PDLIM1: variants seen among roughly 807,000 people sequenced by gnomAD.
The protein encoded by PDLIM1 is PDZ and LIM domain protein 1.
PDLIM1 carries 25 observed loss-of-function variants against 35.2 expected under a neutral mutation model. The observed-to-expected ratio is 0.71, with a 90% CI of 0.52 to 0.99. The LOEUF is 0.99. Ranked by LOEUF, PDLIM1 falls within the 50% of genes least tolerant of loss-of-function variation. PDLIM1 has a pLI of 0.00. For missense variants in PDLIM1, 363 were observed against 415.3 expected (o/e 0.87, Z 1.09); for synonymous variants, 152 against 154.0 (o/e 0.99, Z 0.10).
chr10:95,279,240 A>G, intron 1 of PDLIM1, among the ~76,000 whole-genome samples: 1 of 152,156 alleles, frequency 6.6e-6, no homozygotes. Context: ...CACAGGCTCT[A>G]CCATGCTCTA....
intron 5 of PDLIM1, among the ~76,000 whole-genome samples, chr10:95,246,292 T>A (rs1327187332): frequency 6.6e-6 from 1 of 152,194 alleles, no homozygotes; most frequent in Non-Finnish European, 1.5e-5. Flanking sequence ...GAATAAAGCA[T>A]CCCTTCTTCA....
chr10:95,282,784 A>T (rs1331285318), intron 1 of PDLIM1, among the ~76,000 whole-genome samples: 2 of 152,108 alleles, frequency 1.3e-5, no homozygotes, highest in African/African-American at 4.8e-5. Context: ...CTCTACTAAA[A>T]ATACAAAAAA....
At chr10:95,241,549 A>G (rs1325884433) in intron 5 of PDLIM1, among the ~76,000 whole-genome samples, 1 of 152,156 alleles carries the variant, frequency 6.6e-6, no homozygotes, top group African/African-American at 2.4e-5. Context: ...ATGCTGCTGA[A>G]CATCCCAAAA....
intron 4 of PDLIM1, among the ~76,000 whole-genome samples, chr10:95,254,946 G>A (rs2035297591): frequency 6.6e-6 from 1 of 151,684 alleles, no homozygotes; most frequent in Non-Finnish European, 1.5e-5. Flanking sequence ...AAATAAATCA[G>A]AAATGAAAGA....
intron 3 of PDLIM1, among the ~76,000 whole-genome samples, chr10:95,265,945 T>C (rs908181156): frequency 1.3e-5 from 2 of 150,626 alleles, no homozygotes; most frequent in Non-Finnish European, 3.0e-5. Flanking sequence ...ATTCCTGTAA[T>C]CGCAGCACTT....
intron 1 of PDLIM1, among the ~76,000 whole-genome samples, chr10:95,274,451 C>T (rs955871254): frequency 6.6e-6 from 1 of 151,996 alleles, no homozygotes; most frequent in Admixed American, 6.6e-5. Flanking sequence ...CACCACCATG[C>T]CCAGCTAATT....
intron 1 of PDLIM1, among the ~76,000 whole-genome samples, chr10:95,279,044 T>G (rs1372916189): frequency 6.6e-6 from 1 of 152,238 alleles, no homozygotes; most frequent in African/African-American, 2.4e-5. Flanking sequence ...CTTGTTTTTT[T>G]TCTTACATTT....
intron 4 of PDLIM1, 34 bp downstream of exon 4, chr10:95,263,830 G>A (rs1307065940): frequency 1.3e-6 from 2 of 1,556,128 alleles, no homozygotes; most frequent in Middle Eastern, 2.1e-4. Context: ...CCCCTCCCAG[G>A]AGCGGCTCAG....
At chr10:95,271,886 G>T in intron 1 of PDLIM1, 102 bp from the exon 2 acceptor site, 1 of 1,023,888 alleles carries the variant, frequency 9.8e-7, no homozygotes, top group Middle Eastern at 2.1e-4. Context: ...CCCTGAAAAA[G>T]AAAAGAGGGC....
chr10:95,275,340 C>T (rs1409423740), intron 1 of PDLIM1, among the ~76,000 whole-genome samples: 4 of 152,198 alleles, frequency 2.6e-5, no homozygotes, highest in Non-Finnish European at 5.9e-5. Flanking sequence ...GCCAGCTCTA[C>T]GTGTATTAAA....
intron 1 of PDLIM1, among the ~76,000 whole-genome samples, chr10:95,279,304 G>T (rs2035540719): frequency 6.6e-6 from 1 of 152,102 alleles, no homozygotes; most frequent in Admixed American, 6.6e-5. Flanking sequence ...CATTCTTGCA[G>T]CTATTAATTT....
intron 1 of PDLIM1, among the ~76,000 whole-genome samples, chr10:95,276,129 TTAGA>T (rs2035509546): frequency 6.6e-6 from 1 of 152,114 alleles, no homozygotes; most frequent in South Asian, 2.1e-4. Flanking sequence ...CACCAACATA[TTAGA>T]TAAACTTTAC....
At chr10:95,265,085 G>C (rs1564602731) in intron 3 of PDLIM1, among the ~76,000 whole-genome samples, 2 of 152,108 alleles carry the variant, frequency 1.3e-5, no homozygotes, top group Non-Finnish European at 2.9e-5. Context: ...AAATCTTCCT[G>C]AACTCTAGTC....
intron 5 of PDLIM1, among the ~76,000 whole-genome samples, chr10:95,240,073 G>C (rs2035165141): frequency 6.6e-6 from 1 of 152,250 alleles, no homozygotes; most frequent in Non-Finnish European, 1.5e-5. Flanking sequence ...GTGGAAGACA[G>C]TGTGGTGAGT....
intron 4 of PDLIM1, among the ~76,000 whole-genome samples, chr10:95,254,511 A>G (rs1321369942): frequency 1.3e-5 from 2 of 152,220 alleles, no homozygotes; most frequent in East Asian, 3.8e-4. Context: ...AACTGATAGA[A>G]CTGAAAGGAA....
At chr10:95,285,347 A>C (rs1266631377) in intron 1 of PDLIM1, among the ~76,000 whole-genome samples, 1 of 152,150 alleles carries the variant, frequency 6.6e-6, no homozygotes, top group Non-Finnish European at 1.5e-5. Context: ...GGAGCCCAGG[A>C]GTGTCTTATC....
At chr10:95,263,246 T>C (rs7895650) in intron 4 of PDLIM1, among the ~76,000 whole-genome samples, 92,199 of 151,656 alleles carry the variant, frequency 0.61, 29,493 homozygotes, top group Non-Finnish European at 0.7. Context: ...CTCAGACACC[T>C]CTCCCCTTTC....
chr10:95,285,185 T>C (rs573887470), intron 1 of PDLIM1, among the ~76,000 whole-genome samples: 11 of 152,280 alleles, frequency 7.2e-5, no homozygotes, highest in African/African-American at 2.2e-4. Flanking sequence ...ATAACTGGAC[T>C]GTAAATTCTC....
At chr10:95,260,944 A>C (rs571959214) in intron 4 of PDLIM1, among the ~76,000 whole-genome samples, 2 of 152,252 alleles carry the variant, frequency 1.3e-5, no homozygotes, top group South Asian at 4.1e-4. Context: ...TACAAGCAGC[A>C]TGGCCAGTTA....
Sources: allele counts gnomAD v4.1 joint callset (sites outside exome capture counted in the v4.1 genomes callset), GRCh38; gene constraint gnomAD v4.1.1; transcripts MANE v1.5; gene names NCBI Gene and HGNC (gene_info 2026-07-23, HGNC 2026-07-21).